MVB12A: variants seen among roughly 807,000 people sequenced by gnomAD.
MVB12A encodes the protein CIN85/CD2AP family binding protein.
MVB12A carries 30 observed loss-of-function variants against 34.3 expected under a neutral mutation model. The ratio of observed to expected loss-of-function variants is 0.88; its 90% CI spans 0.65 to 1.19. The LOEUF (loss-of-function observed/expected upper bound fraction) is 1.19. MVB12A is among the 50% of genes most tolerant of loss of function. MVB12A has a pLI of 0.00. For synonymous variants in MVB12A, 158 were observed against 158.9 expected (o/e 0.99, Z 0.04); for missense variants, 355 against 369.2 (o/e 0.96, Z 0.31).
chr19:17,424,746 C>A lies in MVB12A; in HGVS notation c.759+69C>A, dbSNP rs567532325. ...GAGGTGCCTGAGGGGCCGGCACCCG[C>A]CCCTCGTCCGCCCCAGGCTGTCCCA... On this transcript the variant is annotated intron_variant, in intron 8 of 8. Coordinates refer to ENST00000317040, the MANE Select transcript of MVB12A (RefSeq NM_138401.4). The A allele has an allele frequency of 1.2e-3, 1,878 of 1,530,960 alleles. 42 individuals are homozygous for A. In the South Asian group the frequency reaches 0.022, roughly 18 times the overall value. The allele number at this position is 1,530,960 out of a possible 1,614,324, so 94.8% of individuals were successfully genotyped here. A position where few individuals can be genotyped will look rare whatever the true frequency, so the allele number is the denominator to read the frequency against.
chr19:17,423,954 G>C lies in MVB12A; in HGVS notation c.641-52G>C. 7 of 1,600,948 alleles carry C rather than the reference G, an allele frequency of 4.4e-6. No homozygotes were observed. The South Asian group carries it at 6.6e-5, about 15-fold the overall frequency. On this transcript the variant is annotated intron_variant, in intron 6 of 8. Transcript: ENST00000317040. ...CTGTGCGGGTTGGGCCTCTGTGGGT[G>C]GGGTGGGCAGTTCCCTACACCTCAC... is the stretch of plus-strand genomic sequence containing the variant.
At chr19:17,407,686 G>A (rs572077846) in intron 2 of MVB12A, among the ~76,000 whole-genome samples, 1 of 152,344 alleles carries the variant, frequency 6.6e-6, no homozygotes, top group South Asian at 2.1e-4. Context: ...CTAGGAGCGT[G>A]ACCACTGAAG....
At chr19:17,406,903 C>T (rs2074732449) in intron 2 of MVB12A, among the ~76,000 whole-genome samples, 1 of 152,128 alleles carries the variant, frequency 6.6e-6, no homozygotes, top group Non-Finnish European at 1.5e-5. Flanking sequence ...GTGAACTTGT[C>T]CCAGGAGGAG....
In MVB12A at chr19:17,423,565, G is replaced by A; in HGVS notation, c.481G>A (p.Gly161Ser). The A allele has an allele frequency of 6.2e-7, 1 of 1,614,092 alleles. No individual in the cohort carries two copies. Among genetic ancestry groups the A allele is most frequent in the Non-Finnish European group, 8.5e-7 (1 of 1,180,030 alleles). The change falls in exon 5 of 9, where the codon GGT becomes AGT. Residue 161 changes from glycine (G) to serine (S), a missense_variant. By Grantham distance (56) the Gly-to-Ser change is moderately conservative. Coordinates refer to ENST00000317040, the MANE Select transcript of MVB12A (RefSeq NM_138401.4). The part of the protein sequence containing the change: ...KAPRPVPKPR[G>S]LSRDMQGLSL... ...CCCGAGGCCAGTGCCCAAGCCCCGA[G>A]GTCTCAGCCGGGACATGCAGGGCCT...
rs775191567 is a variant in MVB12A, at chr19:17,422,466, C to T, written c.413+8C>T. 118 of 1,603,774 alleles carry T rather than the reference C, an allele frequency of 7.4e-5. No individual in the cohort carries two copies. Among genetic ancestry groups the T allele is most frequent in the Non-Finnish European group, 9.4e-5 (110 of 1,173,978 alleles). On this transcript the variant is annotated splice_region_variant and intron_variant, in intron 4 of 8. Transcript: ENST00000317040. ...TGGATACCTTCGAATAGGGTAGGGCCACCCCCCAGTGTCTAGCCACCTTCC... is the reference window on the plus strand; with the variant it reads ...TGGATACCTTCGAATAGGGTAGGGCTACCCCCCAGTGTCTAGCCACCTTCC...
intron 3 of MVB12A, among the ~76,000 whole-genome samples, chr19:17,421,578 T>TAGAAATA (rs1020268209): frequency 1.8e-4 from 28 of 152,106 alleles, no homozygotes; most frequent in Non-Finnish European, 5.9e-5. Context: ...AGATGATGTG[T>TAGAAATA]TTTGCATATT....
At chr19:17,420,817 A>T (rs1030298927) in intron 3 of MVB12A, 183 bp downstream of exon 3, 1 of 641,010 alleles carries the variant, frequency 1.6e-6, no homozygotes, top group East Asian at 2.7e-5. Flanking sequence ...TCCTGATTCA[A>T]AATGTGTGAT....
At chr19:17,416,421 T>C (rs554287695), upstream of MVB12A, among the ~76,000 whole-genome samples, 167 of 148,812 alleles carry the variant, frequency 1.1e-3, no homozygotes, top group African/African-American at 3.7e-3. Context: ...GCTTTTTTTT[T>C]TTTTTTTTCC....
Position 17,423,537 on chromosome 19 carries a change from G to A in MVB12A, c.453G>A (p.Lys151=), listed in dbSNP as rs548066251. ...TTGCCATCTGGTGCAAGAAGGCCAA[G>A]GCCCCGAGGCCAGTGCCCAAGCCCC... is the stretch of plus-strand genomic sequence containing the variant. ...GGFAIWCKKA[K]APRPVPKPRG... is the part of the protein sequence containing the mutation. The change falls in exon 5 of 9, where the codon AAG becomes AAA. Residue 151 remains lysine, a synonymous_variant. Coordinates refer to ENST00000317040, the MANE Select transcript of MVB12A (RefSeq NM_138401.4). 1 of 1,613,800 alleles carries A rather than the reference G, an allele frequency of 6.2e-7. No individual in the cohort carries two copies. Among genetic ancestry groups the A allele is most frequent in the East Asian group, 2.2e-5 (1 of 44,876 alleles).
chr19:17,413,062 A>G (rs2074778633), intron 2 of MVB12A: 1 of 150,898 alleles, frequency 6.6e-6, no homozygotes. Context: ...TCATCTGGAG[A>G]TGTGTGAGGG....
chr19:17,409,878 T>C (rs1003204007), intron 2 of MVB12A, among the ~76,000 whole-genome samples: 4 of 150,430 alleles, frequency 2.7e-5, no homozygotes, highest in Non-Finnish European at 5.9e-5. Context: ...GCTGCCTCAG[T>C]CTCCTGAGTA....
exon 1 of MVB12A, chr19:17,405,771 G>C: frequency 4.8e-6 from 2 of 420,166 alleles, no homozygotes; most frequent in South Asian, 2.8e-5. Flanking sequence ...CCAGAAAGGA[G>C]GTGGGCTTTT....
At chr19:17,413,474 C>G (rs905418608) in intron 2 of MVB12A, 1 of 152,302 alleles carries the variant, frequency 6.6e-6, no homozygotes, top group Non-Finnish European at 1.5e-5. Context: ...ATTACAGGCA[C>G]CTGCCACCAC....
chr19:17,412,694 G>A (rs868251924), intron 2 of MVB12A, among the ~76,000 whole-genome samples: 8 of 152,142 alleles, frequency 5.3e-5, no homozygotes, highest in African/African-American at 1.4e-4. Flanking sequence ...GAAAATAGGC[G>A]GTGAGATTTC....
At chr19:17,416,667 C>T (rs748219761), upstream of MVB12A, among the ~76,000 whole-genome samples, 49 of 151,218 alleles carry the variant, frequency 3.2e-4, no homozygotes, top group Non-Finnish European at 5.9e-4. Flanking sequence ...GATCCGTCCA[C>T]CTTGGCCTCC....
At chr19:17,421,357 T>A (rs1451206726) in intron 3 of MVB12A, among the ~76,000 whole-genome samples, 1 of 151,898 alleles carries the variant, frequency 6.6e-6, no homozygotes, top group East Asian at 2.0e-4. Context: ...GCTAATTTTG[T>A]ATTTTTAGTA....
rs1427521929 is a variant in MVB12A, at chr19:17,413,696, G to A, written c.-5+7400G>A. ...CTGCACACCTGCCTGGACAACAGAT[G>A]AGACCATGTCTCAAAAACAAACAAA... On this transcript the variant is annotated intron_variant, in intron 2 of 6. Transcript: ENST00000528604. Among the ~76,000 whole-genome samples, 3 of 152,150 alleles carry A rather than the reference G, an allele frequency of 2.0e-5. 1 individual carries two copies. Among genetic ancestry groups the A allele is most frequent in the Non-Finnish European group, 4.4e-5 (3 of 68,022 alleles).
intron 3 of MVB12A, 158 bp from the exon 4 acceptor site, chr19:17,422,174 A>G: frequency 1.8e-6 from 1 of 569,578 alleles, no homozygotes; most frequent in Non-Finnish European, 3.1e-6. Context: ...CTTCATCTAT[A>G]CCATTCATGA....
intron 3 of MVB12A, chr19:17,420,837 A>T (rs2074834373): frequency 1.5e-6 from 1 of 650,814 alleles, no homozygotes. Flanking sequence ...TATGATTGGC[A>T]CAGCCTGCAT....
Sources: allele counts gnomAD v4.1 joint callset (sites outside exome capture counted in the v4.1 genomes callset), GRCh38; gene constraint gnomAD v4.1.1; transcripts MANE v1.5; gene names NCBI Gene and HGNC (gene_info 2026-07-23, HGNC 2026-07-21).